MAP4K5: variants seen among roughly 807,000 people sequenced by gnomAD.
MAP4K5 encodes MAPK/ERK kinase kinase kinase 5.
MAP4K5 carries 82 observed loss-of-function variants against 135.6 expected under a neutral mutation model. The ratio of observed to expected loss-of-function variants is 0.60; its 90% CI spans 0.51 to 0.73. The LOEUF (loss-of-function observed/expected upper bound fraction) is 0.73. MAP4K5 is among the 30% of genes least tolerant of loss of function. MAP4K5 has a pLI of 0.00. For synonymous variants in MAP4K5, 347 were observed against 335.0 expected, an observed-to-expected ratio of 1.04 and a Z score of -0.39; for missense variants, 907 against 1,010.9, an observed-to-expected ratio of 0.90 and a Z score of 1.39.
At chr14:50,444,209 T>G (rs1389076699) in intron 18 of MAP4K5, among the ~76,000 whole-genome samples, 173 bp from the exon 19 acceptor site, 1 of 152,160 alleles carries the variant, frequency 6.6e-6, no homozygotes, top group Admixed American at 6.6e-5. Flanking sequence ...TCTATAGAGG[T>G]AGCATTGCAT....
intron 1 of MAP4K5, chr14:50,559,894 T>A: frequency 3.1e-6 from 1 of 323,864 alleles, no homozygotes; most frequent in Non-Finnish European, 6.0e-6. Context: ...GTTTGTGTAT[T>A]TCTGATAACG....
Position 50,434,632 on chromosome 14 carries a change from G to GTTTA in MAP4K5, c.1987-62_1987-61insTAAA, listed in dbSNP as rs1307012793. The GTTTA allele has an allele frequency of 2.1e-6, 3 of 1,422,994 alleles. No individual in the cohort carries two copies. In the African/African-American group the frequency reaches 4.3e-5, roughly 20 times the overall value. The allele number at this position is 1,422,994 out of a possible 1,614,324, so 88.1% of individuals were successfully genotyped here. ...AAACAATCTCCCCATTCATACCACT[G>GTTTA]TTGAATAAAGTCAACAGAAAGACTC... On this transcript the variant is annotated intron_variant, in intron 27 of 32. Transcript: ENST00000682126.
At chr14:50,541,785 C>T (rs1164504978) in intron 2 of MAP4K5, among the ~76,000 whole-genome samples, 1 of 151,756 alleles carries the variant, frequency 6.6e-6, no homozygotes, top group Non-Finnish European at 1.5e-5. Flanking sequence ...TTTAGGGAGG[C>T]CGAGGCAGGA....
At chr14:50,445,274 T>C (rs927152046) in intron 17 of MAP4K5, 80 bp from the exon 18 acceptor site, 1 of 1,341,872 alleles carries the variant, frequency 7.5e-7, no homozygotes. Flanking sequence ...AATGCACCTT[T>C]TTTCATTCTT....
intron 3 of MAP4K5, among the ~76,000 whole-genome samples, chr14:50,500,784 C>T (rs2037689985): frequency 1.3e-5 from 2 of 152,126 alleles, no homozygotes; most frequent in South Asian, 4.2e-4. Flanking sequence ...TGCTGACAGA[C>T]TGATTCTTGA....
chr14:50,485,795 G>T, intron 4 of MAP4K5, 153 bp from the exon 5 acceptor site: 1 of 573,096 alleles, frequency 1.7e-6, no homozygotes, highest in Non-Finnish European at 3.0e-6. Flanking sequence ...ATACAGAAAA[G>T]CACATTAATT....
intron 2 of MAP4K5, among the ~76,000 whole-genome samples, chr14:50,522,640 TCTTA>T (rs1248942767): frequency 6.6e-6 from 1 of 152,184 alleles, no homozygotes; most frequent in African/African-American, 2.4e-5. Flanking sequence ...ATCCTTCCTC[TCTTA>T]TTTTCTACTG....
Position 50,444,835 on chromosome 14 carries a change from T to G in MAP4K5, c.1339+206A>C, listed in dbSNP as rs537276251. 5.3e-5 allele frequency among the ~76,000 whole-genome samples: 8 copies of G among 152,324 alleles called. No individual in the cohort carries two copies. The South Asian group carries it at 1.7e-3, about 32-fold the overall frequency. Reference sequence around the variant, plus strand: ...GTAAGGATTCAAATTAGGATTGAAGTGAACTGAAATCTATTTATAGCCCAT... The same window carrying G: ...GTAAGGATTCAAATTAGGATTGAAGGGAACTGAAATCTATTTATAGCCCAT... On this transcript the variant is annotated intron_variant, in intron 18 of 32. Coordinates refer to ENST00000682126, the MANE Select transcript of MAP4K5 (RefSeq NM_006575.6).
At chr14:50,532,391 G>A in intron 1 of MAP4K5, 57 bp downstream of exon 1, 1 of 261,616 alleles carries the variant, frequency 3.8e-6, no homozygotes. Context: ...CCCAGGGCCG[G>A]CTCCGTACCT....
intron 1 of MAP4K5, among the ~76,000 whole-genome samples, chr14:50,543,233 C>A (rs751749708): frequency 1.3e-4 from 20 of 152,190 alleles, no homozygotes; most frequent in Non-Finnish European, 2.5e-4. Flanking sequence ...TCAGTTACTG[C>A]CACTATGGAG....
chr14:50,514,503 AC>A (rs1201496086), intron 2 of MAP4K5, among the ~76,000 whole-genome samples: 1 of 152,176 alleles, frequency 6.6e-6, no homozygotes, highest in African/African-American at 2.4e-5. Flanking sequence ...TCTTCCGAAA[AC>A]TTTTATCAGT....
chr14:50,512,832 C>A (rs989444071), intron 2 of MAP4K5, among the ~76,000 whole-genome samples: 8 of 152,118 alleles, frequency 5.3e-5, no homozygotes, highest in Non-Finnish European at 1.2e-4. Flanking sequence ...CCATTTCTTT[C>A]CAACAAGTTA....
chr14:50,491,998 A>G (rs754021711), intron 3 of MAP4K5, among the ~76,000 whole-genome samples: 19 of 152,248 alleles, frequency 1.2e-4, no homozygotes, highest in Admixed American at 3.9e-4. Context: ...GAGCTTTCAG[A>G]AAGTTAGCAC....
chr14:50,485,518 A>G, intron 5 of MAP4K5, 60 bp downstream of exon 5: 1 of 1,088,678 alleles, frequency 9.2e-7, no homozygotes. Flanking sequence ...AACTGGAAAT[A>G]TCGAACAACA....
At chr14:50,496,302 G>A (rs759712912) in intron 3 of MAP4K5, among the ~76,000 whole-genome samples, 5 of 151,454 alleles carry the variant, frequency 3.3e-5, no homozygotes, top group Non-Finnish European at 7.4e-5. Context: ...CTCCACCCGG[G>A]GTGCCAAGAG....
intron 1 of MAP4K5, among the ~76,000 whole-genome samples, chr14:50,544,659 G>A (rs920329601): frequency 4.6e-5 from 7 of 152,208 alleles, no homozygotes; most frequent in African/African-American, 7.2e-5. Flanking sequence ...GTGGCTGGGC[G>A]ATGGTGGCTC....
intron 9 of MAP4K5, among the ~76,000 whole-genome samples, chr14:50,470,554 T>C (rs2036934526): frequency 6.6e-6 from 1 of 151,854 alleles, no homozygotes; most frequent in Non-Finnish European, 1.5e-5. Flanking sequence ...TTGTGTTGAC[T>C]GAAAACAATT....
chr14:50,517,395 G>A (rs938382565), intron 2 of MAP4K5, among the ~76,000 whole-genome samples: 6 of 151,586 alleles, frequency 4.0e-5, no homozygotes, highest in Non-Finnish European at 1.5e-5. Context: ...CAGGTGATTC[G>A]CTCACCTCGG....
In MAP4K5 at chr14:50,531,855, C is replaced by T. The variant is rs535578397; in HGVS notation, c.108+87G>A. On this transcript the variant is annotated intron_variant, in intron 2 of 32. Transcript: ENST00000682126. Reference sequence around the variant, plus strand: ...CAAGAGGCAACAATAAAAGCATCCTCCTCTCGCCCCAATACTTCGCAGGAA... The same window carrying T: ...CAAGAGGCAACAATAAAAGCATCCTTCTCTCGCCCCAATACTTCGCAGGAA... 1.5e-3 allele frequency: 1,482 copies of T among 978,008 alleles called. 12 individuals carry two copies. Among genetic ancestry groups the T allele is most frequent in the South Asian group, 0.01 (754 of 72,472 alleles). 60.6% of individuals were successfully genotyped at this position (978,008 alleles called of 1,614,324 possible). A position where few individuals can be genotyped will look rare whatever the true frequency, so the allele number is the denominator to read the frequency against.
Sources: allele counts gnomAD v4.1 joint callset (sites outside exome capture counted in the v4.1 genomes callset), GRCh38; gene constraint gnomAD v4.1.1; transcripts MANE v1.5; gene names NCBI Gene and HGNC (gene_info 2026-07-23, HGNC 2026-07-21).